NRP1: variants seen among roughly 807,000 people sequenced by gnomAD.
NRP1 encodes neuropilin-1.
Under a neutral mutation model 106.7 loss-of-function variants are expected in NRP1, and 35 were observed. The ratio of observed to expected loss-of-function variants is 0.33; its 90% confidence interval spans 0.25 to 0.43. The LOEUF (loss-of-function observed/expected upper bound fraction) is 0.43, where lower values mean the gene tolerates loss of function less well. Among genes scored for constraint, NRP1 ranks in the 20% least tolerant of loss-of-function variants. The probability of loss-of-function intolerance (pLI) is 1.00; values close to 1 mark genes in which losing one functional copy is unlikely to be tolerated. For synonymous variants in NRP1, 437 were observed against 417.9 expected, an observed-to-expected ratio of 1.05 and a Z score of -0.56; for missense variants, 1,024 against 1,170.4, an observed-to-expected ratio of 0.87 and a Z score of 1.83.
intron 2 of NRP1, among the ~76,000 whole-genome samples, chr10:33,321,090 G>A (rs755761548): frequency 3.9e-5 from 6 of 152,128 alleles, no homozygotes; most frequent in African/African-American, 1.2e-4. Context: ...GGGTTCAAGC[G>A]ATTCTCCTGC....
At chr10:33,272,486 T>A in intron 2 of NRP1, among the ~76,000 whole-genome samples, 1 of 149,436 alleles carries the variant, frequency 6.7e-6, no homozygotes, top group African/African-American at 2.5e-5. Context: ...AAGACAAAAG[T>A]GAAGGAGGAG....
In NRP1 at chr10:33,263,716, A is replaced by G; in HGVS notation, c.588T>C (p.Pro196=). 1 of 1,614,136 alleles carries G rather than the reference A, an allele frequency of 6.2e-7. No homozygotes were observed. The highest frequency in any genetic ancestry group is 1.1e-5 in the South Asian group (1 of 91,080). Residue 196 remains proline, a synonymous_variant, in exon 4 of 17, where the codon CCT becomes CCC. Coordinates refer to ENST00000374867, the MANE Select transcript of NRP1 (RefSeq NM_003873.7). ...ILEFESFDLE[P]DSNPPGGMFC... is the part of the protein sequence containing the mutation. ...ACATCCCCCCTGGAGGATTTGAGTC[A>G]GGCTCCAGGTCAAAGCTTTCAAATT...
intron 2 of NRP1, among the ~76,000 whole-genome samples, chr10:33,285,568 G>A (rs1354662178): frequency 6.6e-6 from 1 of 152,130 alleles, no homozygotes; most frequent in Non-Finnish European, 1.5e-5. Flanking sequence ...GCTGGGTGCA[G>A]TGTTGTAATC....
At chr10:33,253,725 G>A (rs1842014387) in intron 6 of NRP1, among the ~76,000 whole-genome samples, 1 of 152,226 alleles carries the variant, frequency 6.6e-6, no homozygotes, top group Admixed American at 6.5e-5. Context: ...TGTTATCAAA[G>A]TGAGACACTT....
chr10:33,203,127 C>G, intron 10 of NRP1, 132 bp from the exon 11 acceptor site: 1 of 811,276 alleles, frequency 1.2e-6, no homozygotes, highest in Non-Finnish European at 1.9e-6. Flanking sequence ...TGGTTTGCCT[C>G]TCTTTCAGGA....
At chr10:33,251,692 T>C (rs560911502) in intron 6 of NRP1, among the ~76,000 whole-genome samples, 101 of 152,312 alleles carry the variant, frequency 6.6e-4, no homozygotes, top group African/African-American at 2.3e-3. Context: ...AAATGCTTTG[T>C]GAGAGGCCAT....
intron 11 of NRP1, among the ~76,000 whole-genome samples, chr10:33,198,608 C>A (rs961258063): frequency 1.3e-4 from 20 of 152,118 alleles, no homozygotes; most frequent in African/African-American, 4.8e-4. Flanking sequence ...GCAAAGCCAC[C>A]TTCTCGGTGA....
chr10:33,289,287 T>A (rs1844811201), intron 2 of NRP1, among the ~76,000 whole-genome samples: 1 of 152,074 alleles, frequency 6.6e-6, no homozygotes, highest in Non-Finnish European at 1.5e-5. Context: ...GACAACAACA[T>A]CTCTTCAGAA....
intron 2 of NRP1, among the ~76,000 whole-genome samples, chr10:33,282,414 C>T (rs963690152): frequency 3.3e-5 from 5 of 152,098 alleles, no homozygotes; most frequent in African/African-American, 1.2e-4. Context: ...ACCTAATGTG[C>T]TAATTTAAAG....
At chr10:33,214,178 C>G (rs912162579) in intron 8 of NRP1, among the ~76,000 whole-genome samples, 7 of 152,142 alleles carry the variant, frequency 4.6e-5, no homozygotes, top group Non-Finnish European at 1.0e-4. Context: ...ACTCAGCCTG[C>G]AGAGGTAATA....
intron 9 of NRP1, among the ~76,000 whole-genome samples, chr10:33,210,315 G>A (rs1395858228): frequency 6.6e-6 from 1 of 151,972 alleles, no homozygotes; most frequent in Non-Finnish European, 1.5e-5. Context: ...GTTATTGTCA[G>A]TAGGATACTA....
intron 4 of NRP1, among the ~76,000 whole-genome samples, chr10:33,258,593 C>T (rs571998399): frequency 6.6e-6 from 1 of 152,186 alleles, no homozygotes; most frequent in South Asian, 2.1e-4. Context: ...TATTCGACTT[C>T]TCAGTTGGCA....
In NRP1 at chr10:33,254,177, C is replaced by A; in HGVS notation, c.832G>T (p.Ala278Ser). Residue 278 changes from alanine (A) to serine (S), a missense_variant, in exon 6 of 17, where the codon GCT becomes TCT. Ala to Ser is a moderately conservative substitution (Grantham distance 99). Transcript: ENST00000374867. ...SVSEDFKCME[A>S]LGMESGEIHS... ...ATTTCTCCTGATTCCATGCCCAGAG[C>A]TTCCATACATTTGAAATCTGAAGGG... 1.9e-6 allele frequency: 3 copies of A among 1,610,854 alleles called. No individual in the cohort carries two copies. Among genetic ancestry groups the A allele is most frequent in the African/African-American group, 2.7e-5 (2 of 74,884 alleles).
intron 2 of NRP1, among the ~76,000 whole-genome samples, chr10:33,310,676 C>T (rs1166626797): frequency 6.6e-6 from 1 of 152,166 alleles, no homozygotes; most frequent in Non-Finnish European, 1.5e-5. Flanking sequence ...GGAGTCCTTT[C>T]CATGTTTCCT....
chr10:33,323,956 T>C (rs1361714768), intron 2 of NRP1, among the ~76,000 whole-genome samples: 2 of 152,172 alleles, frequency 1.3e-5, no homozygotes, highest in African/African-American at 4.8e-5. Context: ...CTCCCTAAAG[T>C]GAAATCTCGT....
intron 4 of NRP1, 35 bp downstream of exon 4, chr10:33,263,611 C>T (rs1311259661): frequency 1.8e-5 from 27 of 1,526,464 alleles, no homozygotes; most frequent in Non-Finnish European, 2.5e-5. Context: ...TCCTCCAGAA[C>T]CTTCCCTTTT....
chr10:33,333,364 A>T (rs959293034), intron 1 of NRP1, among the ~76,000 whole-genome samples: 1 of 152,164 alleles, frequency 6.6e-6, no homozygotes, highest in African/African-American at 2.4e-5. Flanking sequence ...CATCATAAAG[A>T]TGTGATTTAA....
intron 6 of NRP1, among the ~76,000 whole-genome samples, chr10:33,249,030 T>C (rs1162363897): frequency 1.3e-5 from 2 of 152,020 alleles, no homozygotes; most frequent in South Asian, 2.1e-4. Flanking sequence ...CCTGGTGCTA[T>C]TTTTGTTTCT....
intron 8 of NRP1, among the ~76,000 whole-genome samples, chr10:33,218,891 G>A (rs1011248727): frequency 1.2e-4 from 19 of 152,152 alleles, no homozygotes; most frequent in Non-Finnish European, 2.2e-4. Flanking sequence ...CCAAGCATTT[G>A]TTATGTTCCA....
Sources: allele counts gnomAD v4.1 joint callset (sites outside exome capture counted in the v4.1 genomes callset), GRCh38; gene constraint gnomAD v4.1.1; transcripts MANE v1.5; gene names NCBI Gene and HGNC (gene_info 2026-07-23, HGNC 2026-07-21).